FAM135B: variants seen among roughly 807,000 people sequenced by gnomAD.
FAM135B encodes the protein family with sequence similarity 135 member B.
Under a neutral mutation model 127.7 loss-of-function variants are expected in FAM135B, and 43 were observed. The ratio of observed to expected loss-of-function variants is 0.34; its 90% CI spans 0.26 to 0.43. The LOEUF is 0.43. FAM135B is among the 20% of genes least tolerant of loss of function. FAM135B has a pLI of 1.00. For synonymous variants in FAM135B, 670 were observed against 665.1 expected (o/e 1.01, Z -0.11); for missense variants, 1,558 against 1,725.6 (o/e 0.90, Z 1.72).
chr8:138,490,991 A>G (rs1312064424), intron 1 of FAM135B, among the ~76,000 whole-genome samples: 1 of 152,008 alleles, frequency 6.6e-6, no homozygotes, highest in African/African-American at 2.4e-5. Context: ...AAAAATCAAA[A>G]TTAGCTGGGC....
chr8:138,442,267 T>TATATATATATATATAC (rs34280434), intron 1 of FAM135B, among the ~76,000 whole-genome samples: 6,800 of 86,368 alleles, frequency 0.079, 821 homozygotes, highest in Non-Finnish European at 0.11. Context: ...TATATATATA[T>TATATATATATATATAC]ATATATATAT....
At chr8:138,322,123 A>G (rs995229968) in intron 2 of FAM135B, among the ~76,000 whole-genome samples, 3 of 152,242 alleles carry the variant, frequency 2.0e-5, no homozygotes, top group African/African-American at 4.8e-5. Context: ...ACACTGTGAT[A>G]TGAATGTGCA....
At chr8:138,457,600 C>G (rs901034846) in intron 1 of FAM135B, among the ~76,000 whole-genome samples, 1 of 152,152 alleles carries the variant, frequency 6.6e-6, no homozygotes, top group East Asian at 1.9e-4. Flanking sequence ...AACTGACATT[C>G]GTGTTTCACT....
At chr8:138,195,631 G>GGTACACACACACACACACACACACAC (rs1816554451) in intron 8 of FAM135B, among the ~76,000 whole-genome samples, 2 of 141,324 alleles carry the variant, frequency 1.4e-5, no homozygotes, top group Non-Finnish European at 3.0e-5. Flanking sequence ...TGTTTTTGCA[G>GGTACACACACACACACACACACACAC]GTACACACAC....
chr8:138,347,231 C>T (rs1829482295), intron 2 of FAM135B, among the ~76,000 whole-genome samples: 1 of 152,286 alleles, frequency 6.6e-6, no homozygotes, highest in African/African-American at 2.4e-5. Flanking sequence ...ACATCATGTC[C>T]TAATCCACCT....
chr8:138,241,203 G>A lies in FAM135B; in HGVS notation c.669+1739C>T, dbSNP rs1228012126. 6.6e-6 allele frequency among the ~76,000 whole-genome samples: 1 copy of A among 152,186 alleles called. No individual in the cohort carries two copies. ...CACAGCAGGGACAGTCCAATGACAT[G>A]CTACAGGGCTCACTGCTTTCCACTC... is the stretch of plus-strand genomic sequence containing the variant. On this transcript the variant is annotated intron_variant, in intron 7 of 19. Coordinates refer to ENST00000395297, the MANE Select transcript of FAM135B (RefSeq NM_015912.4). The surrounding 1 kb of genome is among the most constrained non-coding windows in gnomAD (Gnocchi z 4.8).
intron 1 of FAM135B, among the ~76,000 whole-genome samples, chr8:138,481,990 AG>A (rs1440659492): frequency 6.6e-6 from 1 of 152,224 alleles, no homozygotes; most frequent in Non-Finnish European, 1.5e-5. Context: ...CTGGAGAAGG[AG>A]GGTGTGGAAT....
At chr8:138,158,637 G>A (rs534084235) in intron 12 of FAM135B, among the ~76,000 whole-genome samples, 1 of 152,270 alleles carries the variant, frequency 6.6e-6, no homozygotes, top group Non-Finnish European at 1.5e-5. Context: ...CAAAGGGTAT[G>A]AACAGACACT....
chr8:138,484,619 A>T (rs1445900348), intron 1 of FAM135B, among the ~76,000 whole-genome samples: 1 of 152,146 alleles, frequency 6.6e-6, no homozygotes, highest in Non-Finnish European at 1.5e-5. Context: ...GCTTAGAAAG[A>T]GCTTCCTTTT....
intron 1 of FAM135B, among the ~76,000 whole-genome samples, chr8:138,467,600 T>C (rs1837447931): frequency 1.3e-5 from 2 of 152,266 alleles, no homozygotes; most frequent in South Asian, 2.1e-4. Context: ...CCATGGTAAG[T>C]GACACTTTGA....
At chr8:138,306,637 C>G (rs1227136921) in intron 3 of FAM135B, among the ~76,000 whole-genome samples, 1 of 149,406 alleles carries the variant, frequency 6.7e-6, no homozygotes, top group Non-Finnish European at 1.5e-5. Flanking sequence ...GGCTGGAGAG[C>G]AGTGGCGCGA....
At chr8:138,383,677 C>T (rs12675397) in intron 1 of FAM135B, among the ~76,000 whole-genome samples, 21,289 of 152,150 alleles carry the variant, frequency 0.14, 2,922 homozygotes, top group African/African-American at 0.32. Context: ...TGAGCGGCAA[C>T]TGATGTTAAG....
intron 1 of FAM135B, among the ~76,000 whole-genome samples, chr8:138,488,411 T>A (rs553382712): frequency 6.6e-6 from 1 of 151,172 alleles, no homozygotes; most frequent in Non-Finnish European, 1.5e-5. Context: ...AATGATATGA[T>A]AATGAATTCT....
chr8:138,492,316 T>C (rs2131699197), intron 1 of FAM135B, among the ~76,000 whole-genome samples: 2 of 152,284 alleles, frequency 1.3e-5, no homozygotes, highest in East Asian at 3.9e-4. Flanking sequence ...AAGCAATCTG[T>C]TCATTTCTCT....
At chr8:138,201,394 T>C (rs2131167256) in intron 7 of FAM135B, among the ~76,000 whole-genome samples, 1 of 152,134 alleles carries the variant, frequency 6.6e-6, no homozygotes, top group African/African-American at 2.4e-5. Flanking sequence ...GCATGATTAT[T>C]GAAATAATAA....
At chr8:138,442,267 T>TATATATATATATATATACATAC (rs34280434) in intron 1 of FAM135B, among the ~76,000 whole-genome samples, 2 of 86,762 alleles carry the variant, frequency 2.3e-5, no homozygotes, top group African/African-American at 4.5e-5. Flanking sequence ...TATATATATA[T>TATATATATATATATATACATAC]ATATATATAT....
chr8:138,167,831 G>C (rs2130897820), intron 12 of FAM135B, 64 bp downstream of exon 12: 1 of 1,506,250 alleles, frequency 6.6e-7, no homozygotes, highest in Non-Finnish European at 8.9e-7. Context: ...AACAAACTGT[G>C]CCATTGTCAG....
At chr8:138,441,693 A>G (rs985679) in intron 1 of FAM135B, 85,065 of 151,808 alleles carry the variant, frequency 0.56, 24,557 homozygotes, top group African/African-American at 0.67. Context: ...TTCCCTTCCA[A>G]TTCTCTGCTT....
At chr8:138,283,222 A>G (rs1383308935) in intron 3 of FAM135B, among the ~76,000 whole-genome samples, 1 of 152,172 alleles carries the variant, frequency 6.6e-6, no homozygotes, top group African/African-American at 2.4e-5. Context: ...GTCCTTCAGG[A>G]GGTGACTGGA....
Sources: gnomAD v4.1 joint callset for allele counts (sites outside exome capture counted in the v4.1 genomes callset) on GRCh38, gnomAD v4.1.1 for gene constraint, Gnocchi (gnomAD v3.1) non-coding constraint, MANE v1.5 for transcripts, NCBI Gene and HGNC (gene_info 2026-07-23, HGNC 2026-07-21) for gene names.